Variants in CTNND2 observed in about 807,000 individuals in gnomAD.
CTNND2 encodes the protein catenin delta-2.
Under a neutral mutation model 144.4 loss-of-function variants are expected in CTNND2, and 22 were observed. That is an observed-to-expected ratio of 0.15 (90% CI 0.11 to 0.22). The LOEUF (loss-of-function observed/expected upper bound fraction) is 0.22. CTNND2 is among the 10% of genes least tolerant of loss of function. The pLI is 1.00. For synonymous variants in CTNND2, 751 were observed against 695.6 expected, an observed-to-expected ratio of 1.08 and a Z score of -1.25; for missense variants, 1,353 against 1,618.8, an observed-to-expected ratio of 0.84 and a Z score of 2.82.
chr5:11,083,774 G>T, intron 15 of CTNND2: 1 of 423,748 alleles, frequency 2.4e-6, no homozygotes, highest in Non-Finnish European at 3.3e-6. Flanking sequence ...TGTGGATTCT[G>T]TGGTAGGGTC....
At chr5:11,650,399 A>T in intron 2 of CTNND2, among the ~76,000 whole-genome samples, 1 of 152,294 alleles carries the variant, frequency 6.6e-6, no homozygotes, top group East Asian at 1.9e-4. Flanking sequence ...GTAGTCCTTT[A>T]TAGCAATGCA....
intron 1 of CTNND2, among the ~76,000 whole-genome samples, chr5:11,837,144 C>T (rs981983507): frequency 6.6e-6 from 1 of 152,178 alleles, no homozygotes; most frequent in African/African-American, 2.4e-5. Context: ...CAGGAGAGAA[C>T]ACATGTCCGT....
In CTNND2 at chr5:11,057,756, A is replaced by G. The variant is rs182913903; in HGVS notation, c.2788+24940T>C. Among the ~76,000 whole-genome samples the G allele has an allele frequency of 4.3e-4, 66 of 152,330 alleles. No homozygotes were observed. In the East Asian group the frequency reaches 0.01, roughly 24 times the overall value. ...TCAGAATAAGATAGAAAAATATGGG[A>G]AAGTTTGGAACTTCCTAGAGACTTG... On this transcript the variant is annotated intron_variant, in intron 16 of 21. Transcript: ENST00000304623.
intron 3 of CTNND2, among the ~76,000 whole-genome samples, chr5:11,516,416 G>C (rs1430862355): frequency 1.3e-5 from 2 of 151,988 alleles, no homozygotes; most frequent in Non-Finnish European, 2.9e-5. Context: ...TCCATTTGCA[G>C]AAGATATGAT....
chr5:11,487,152 T>A (rs1047691888), intron 3 of CTNND2, among the ~76,000 whole-genome samples: 7 of 152,196 alleles, frequency 4.6e-5, no homozygotes, highest in African/African-American at 1.7e-4. Context: ...AATGATCATG[T>A]CAAAACTAAT....
intron 9 of CTNND2, among the ~76,000 whole-genome samples, chr5:11,262,885 T>C (rs1033912685): frequency 6.6e-6 from 1 of 150,486 alleles, no homozygotes; most frequent in Admixed American, 6.6e-5. Flanking sequence ...TCCCCCTAAC[T>C]CCTTTCAACA....
chr5:11,868,680 AATTT>A (rs1199830621), intron 1 of CTNND2, among the ~76,000 whole-genome samples: 1 of 152,050 alleles, frequency 6.6e-6, no homozygotes, highest in Non-Finnish European at 1.5e-5. Context: ...TTCATGAATA[AATTT>A]ATTCATTAAT....
At chr5:11,865,222 G>C (rs1795706291) in intron 1 of CTNND2, among the ~76,000 whole-genome samples, 1 of 152,118 alleles carries the variant, frequency 6.6e-6, no homozygotes, top group Non-Finnish European at 1.5e-5. Flanking sequence ...TGTAAAATGG[G>C]CTGATTTAAG....
intron 1 of CTNND2, among the ~76,000 whole-genome samples, chr5:11,874,249 C>T (rs1341863691): frequency 6.6e-6 from 1 of 152,124 alleles, no homozygotes; most frequent in Non-Finnish European, 1.5e-5. Context: ...AAAACCACAG[C>T]AGTAATATCA....
intron 9 of CTNND2, among the ~76,000 whole-genome samples, chr5:11,259,812 A>G (rs1744675865): frequency 6.6e-6 from 1 of 152,230 alleles, no homozygotes; most frequent in Non-Finnish European, 1.5e-5. Context: ...TGTTGAGGCC[A>G]TCAGTTTGTT....
At chr5:11,439,762 A>G (rs1215943251) in intron 3 of CTNND2, among the ~76,000 whole-genome samples, 1 of 150,670 alleles carries the variant, frequency 6.6e-6, no homozygotes, top group East Asian at 2.0e-4. Context: ...CTATCTATCT[A>G]TCTATCTATC....
At chr5:11,797,746 T>A (rs1205029159) in intron 1 of CTNND2, among the ~76,000 whole-genome samples, 1 of 152,208 alleles carries the variant, frequency 6.6e-6, no homozygotes, top group Non-Finnish European at 1.5e-5. Flanking sequence ...ATTTCTGGAT[T>A]TGCATTTTAT....
At chr5:11,841,433 T>C (rs1794467443) in intron 1 of CTNND2, among the ~76,000 whole-genome samples, 1 of 152,214 alleles carries the variant, frequency 6.6e-6, no homozygotes, top group Admixed American at 6.5e-5. Flanking sequence ...AGGTCATAAG[T>C]TGATTAAGTC....
intron 16 of CTNND2, among the ~76,000 whole-genome samples, chr5:11,079,213 C>A (rs939885022): frequency 1.3e-5 from 2 of 152,202 alleles, no homozygotes; most frequent in Non-Finnish European, 2.9e-5. Context: ...GGAATGGAAT[C>A]TTGAGCTCTT....
At chr5:11,447,266 C>T (rs553504296) in intron 3 of CTNND2, among the ~76,000 whole-genome samples, 66 of 151,368 alleles carry the variant, frequency 4.4e-4, no homozygotes, top group Non-Finnish European at 6.8e-4. Context: ...TGCTTGAACC[C>T]GGGAGGCGGA....
chr5:11,464,224 TAAAC>T (rs539346716), intron 3 of CTNND2, among the ~76,000 whole-genome samples: 51 of 152,252 alleles, frequency 3.3e-4, no homozygotes, highest in African/African-American at 1.2e-3. Flanking sequence ...GTGAGACAGA[TAAAC>T]AAAATAAATA....
intron 2 of CTNND2, among the ~76,000 whole-genome samples, chr5:11,691,137 C>T (rs563745879): frequency 9.9e-5 from 15 of 152,192 alleles, no homozygotes; most frequent in South Asian, 8.3e-4. Context: ...TTCGGGAGGC[C>T]GAGGCGGGTG....
At chr5:11,027,946 C>G (rs114725217) in intron 16 of CTNND2, among the ~76,000 whole-genome samples, 1 of 152,184 alleles carries the variant, frequency 6.6e-6, no homozygotes, top group Non-Finnish European at 1.5e-5. Flanking sequence ...GTTTCTATTT[C>G]TGAACTAAGC....
chr5:11,582,557 C>T (rs1233569761), intron 2 of CTNND2, among the ~76,000 whole-genome samples: 2 of 152,072 alleles, frequency 1.3e-5, no homozygotes, highest in Non-Finnish European at 2.9e-5. Flanking sequence ...TTCCCTGTGC[C>T]GAATATTCAC....
Sources: allele counts gnomAD v4.1 joint callset (sites outside exome capture counted in the v4.1 genomes callset), GRCh38; gene constraint gnomAD v4.1.1; transcripts MANE v1.5; gene names NCBI Gene and HGNC (gene_info 2026-07-23, HGNC 2026-07-21).